GABRG3: variants seen among roughly 807,000 people sequenced by gnomAD.
GABRG3 encodes gamma-aminobutyric acid type A receptor subunit gamma3.
A neutral mutation model predicts 48.8 loss-of-function variants in GABRG3; 25 were observed. That is an observed-to-expected ratio of 0.51 (90% CI 0.37 to 0.72). GABRG3 has a LOEUF of 0.72. GABRG3 is among the 30% of genes least tolerant of loss of function. The pLI is 0.00. For missense variants in GABRG3, 394 were observed against 577.9 expected (o/e 0.68, Z 3.26); for synonymous variants, 227 against 217.6 (o/e 1.04, Z -0.38).
rs1897005351 is a variant in GABRG3 at position 27,082,364 on chromosome 15, G to T, written c.270+55543G>T. ...AATTGTAGAAGAAAGATTCCAGAAT[G>T]CCACAAATGCATAACCTTGCATTTA... On this transcript the variant is annotated intron_variant, in intron 3 of 9. Coordinates refer to ENST00000615808, the MANE Select transcript of GABRG3 (RefSeq NM_033223.5). Among the ~76,000 whole-genome samples the T allele has an allele frequency of 2.6e-5, 4 of 152,208 alleles. No homozygotes were observed. In the South Asian group the frequency reaches 8.3e-4, roughly 31 times the overall value.
rs577862303 is a variant in GABRG3 at position 27,056,878 on chromosome 15, C to T, written c.270+30057C>T. Among the ~76,000 whole-genome samples the T allele has an allele frequency of 8.8e-4, 134 of 152,134 alleles. 1 individual carries two copies. The highest frequency in any genetic ancestry group is 1.8e-3 in the Non-Finnish European group (122 of 68,010). On this transcript the variant is annotated intron_variant, in intron 3 of 9. Coordinates refer to ENST00000615808, the MANE Select transcript of GABRG3 (RefSeq NM_033223.5). ...TTCTCTTGAGACCCAAGACTGTGAT[C>T]GGGAAAAAGCACCTTCTCATCATCT...
intron 3 of GABRG3, among the ~76,000 whole-genome samples, chr15:27,135,379 T>C (rs1391159682): frequency 1.3e-5 from 2 of 152,198 alleles, no homozygotes; most frequent in African/African-American, 4.8e-5. Context: ...GCTGTTCTTA[T>C]GTGCTTGAAA....
chr15:27,060,558 C>T (rs1896627233), intron 3 of GABRG3, among the ~76,000 whole-genome samples: 2 of 152,214 alleles, frequency 1.3e-5, no homozygotes, highest in Admixed American at 1.3e-4. Context: ...GAGTCCGTGC[C>T]ATTCAGTGAA....
chr15:27,099,983 G>A (rs1255345328), intron 3 of GABRG3, among the ~76,000 whole-genome samples: 2 of 152,074 alleles, frequency 1.3e-5, no homozygotes, highest in Non-Finnish European at 2.9e-5. Flanking sequence ...TTGGGAGGCC[G>A]AAGTGGGCAG....
chr15:27,002,646 T>G (rs1895470800), intron 2 of GABRG3, among the ~76,000 whole-genome samples: 2 of 151,078 alleles, frequency 1.3e-5, no homozygotes, highest in South Asian at 4.2e-4. Flanking sequence ...ATGGGGCTCA[T>G]GTCTATCATC....
At chr15:27,060,601 T>C (rs1463091133) in intron 3 of GABRG3, among the ~76,000 whole-genome samples, 4 of 152,132 alleles carry the variant, frequency 2.6e-5, no homozygotes, top group African/African-American at 9.7e-5. Context: ...AAACGTTAAG[T>C]GGCGTGGGGA....
At chr15:27,239,866 T>A (rs889996063) in intron 3 of GABRG3, among the ~76,000 whole-genome samples, 6 of 152,224 alleles carry the variant, frequency 3.9e-5, no homozygotes, top group African/African-American at 1.4e-4. Context: ...TTCACAGCAG[T>A]TATCTAAGAT....
Position 26,990,138 on chromosome 15 carries a change from C to A in GABRG3, c.202+12988C>A, listed in dbSNP as rs139781219. Among the ~76,000 whole-genome samples, 261 of 152,232 alleles carry A rather than the reference C, an allele frequency of 1.7e-3. 1 individual carries two copies. Among genetic ancestry groups the A allele is most frequent in the South Asian group, 4.1e-3 (20 of 4,822 alleles). The stretch of plus-strand genomic sequence containing the variant: ...TAATTTCCTTTATTTTGGGTATATA[C>A]CCAGCAGTGGAATTGCTGGATCATA... On this transcript the variant is annotated intron_variant, in intron 2 of 9. Transcript: ENST00000615808.
intron 3 of GABRG3, among the ~76,000 whole-genome samples, chr15:27,317,972 A>G (rs541969525): frequency 1.3e-5 from 2 of 152,304 alleles, no homozygotes; most frequent in South Asian, 2.1e-4. Context: ...AGTTTTTGCC[A>G]TTGTTGATAG....
chr15:27,306,303 A>G (rs1363816091), intron 3 of GABRG3, among the ~76,000 whole-genome samples: 1 of 136,196 alleles, frequency 7.3e-6, no homozygotes, highest in Non-Finnish European at 1.5e-5. Flanking sequence ...ATATAAACAT[A>G]TATATAATAT....
intron 5 of GABRG3, among the ~76,000 whole-genome samples, chr15:27,396,035 A>C (rs771628015): frequency 1.1e-4 from 16 of 152,000 alleles, no homozygotes; most frequent in Non-Finnish European, 2.4e-4. Flanking sequence ...TAATTTTGTT[A>C]TTTCTTTGTG....
chr15:27,392,702 G>A (rs1244036651), intron 5 of GABRG3, among the ~76,000 whole-genome samples: 1 of 152,124 alleles, frequency 6.6e-6, no homozygotes, highest in Non-Finnish European at 1.5e-5. Flanking sequence ...AAATCATTTG[G>A]AATTCTGAAA....
chr15:27,513,449 CAAAAAAAAA>C (rs1890947927), intron 6 of GABRG3, among the ~76,000 whole-genome samples: 2 of 133,512 alleles, frequency 1.5e-5, no homozygotes, highest in African/African-American at 5.4e-5. Context: ...GACTCCGTCT[CAAAAAAAAA>C]GAAAAAAAAA....
At chr15:27,012,623 G>T (rs1259911222) in intron 2 of GABRG3, among the ~76,000 whole-genome samples, 1 of 152,078 alleles carries the variant, frequency 6.6e-6, no homozygotes, top group Non-Finnish European at 1.5e-5. Context: ...GATATGGGGA[G>T]TGAATCACCA....
intron 5 of GABRG3, among the ~76,000 whole-genome samples, chr15:27,372,800 C>T (rs533394041): frequency 6.6e-6 from 1 of 152,316 alleles, no homozygotes; most frequent in African/African-American, 2.4e-5. Context: ...CCTCTTCATA[C>T]TCACTTCCCT....
At chr15:27,049,772 C>A (rs924408715) in intron 3 of GABRG3, among the ~76,000 whole-genome samples, 1 of 152,182 alleles carries the variant, frequency 6.6e-6, no homozygotes, top group East Asian at 1.9e-4. Context: ...ATGAGTGATG[C>A]GTGCACGCTG....
At chr15:27,272,871 A>G (rs1296691211) in intron 3 of GABRG3, among the ~76,000 whole-genome samples, 1 of 152,234 alleles carries the variant, frequency 6.6e-6, no homozygotes, top group African/African-American at 2.4e-5. Context: ...TCACTAAAAT[A>G]TTTTACCATT....
At chr15:27,372,062 G>GTA (rs1432567151) in intron 5 of GABRG3, among the ~76,000 whole-genome samples, 1 of 151,916 alleles carries the variant, frequency 6.6e-6, no homozygotes, top group Non-Finnish European at 1.5e-5. Context: ...AACATAATTA[G>GTA]TAATATTTTA....
At chr15:27,455,105 A>G (rs533180938) in intron 5 of GABRG3, among the ~76,000 whole-genome samples, 1 of 152,332 alleles carries the variant, frequency 6.6e-6, no homozygotes, top group South Asian at 2.1e-4. Flanking sequence ...AACTGTCTAA[A>G]GAGAATATTC....
Sources: allele counts gnomAD v4.1 joint callset (sites outside exome capture counted in the v4.1 genomes callset), GRCh38; gene constraint gnomAD v4.1.1; transcripts MANE v1.5; gene names NCBI Gene and HGNC (gene_info 2026-07-23, HGNC 2026-07-21).